The following SPINK5 variants were observed in gnomAD, a reference collection of about 807,000 sequenced individuals.
The protein encoded by SPINK5 is serine peptidase inhibitor Kazal type 5.
SPINK5 carries 125 observed loss-of-function variants against 151.8 expected under a neutral mutation model. That is an observed-to-expected ratio of 0.82 (90% CI 0.71 to 0.96). The LOEUF is 0.96. Among genes scored for constraint, SPINK5 ranks in the 40% least tolerant of loss-of-function variants. The pLI is 0.00. For synonymous variants in SPINK5, 374 were observed against 395.3 expected, an observed-to-expected ratio of 0.95 and a Z score of 0.64; for missense variants, 1,194 against 1,291.9, an observed-to-expected ratio of 0.92 and a Z score of 1.16.
Position 148,105,938 on chromosome 5 carries a change from C to T in SPINK5, c.1479+938C>T, listed in dbSNP as rs10044832. On this transcript the variant is annotated intron_variant, in intron 16 of 32. Transcript: ENST00000256084. ...TGCACCCGGCCTGTTTATTCTATTT[C>T]TTAACAATAGCCACAACAGTACAAA... Among the ~76,000 whole-genome samples the T allele has an allele frequency of 1.0e-2, 1,516 of 151,882 alleles. 30 individuals carry two copies. Among genetic ancestry groups the T allele is most frequent in the African/African-American group, 0.035 (1,442 of 41,386 alleles).
At chr5:148,092,567 G>T (rs1753339718) in intron 8 of SPINK5, among the ~76,000 whole-genome samples, 1 of 151,760 alleles carries the variant, frequency 6.6e-6, no homozygotes, top group Non-Finnish European at 1.5e-5. Flanking sequence ...GTGTGAATAG[G>T]ACTGCTTTAT....
At chr5:148,066,425 A>G (rs1001221467) in intron 2 of SPINK5, among the ~76,000 whole-genome samples, 5 of 152,184 alleles carry the variant, frequency 3.3e-5, no homozygotes, top group African/African-American at 1.2e-4. Context: ...TCTGGCCACG[A>G]ACATTAAAGG....
At chr5:148,114,794 C>G (rs1382986163) in intron 21 of SPINK5, among the ~76,000 whole-genome samples, 1 of 152,166 alleles carries the variant, frequency 6.6e-6, no homozygotes, top group Non-Finnish European at 1.5e-5. Flanking sequence ...TCTGGATTAT[C>G]TCGCAACTCA....
At position 148,125,808 on chromosome 5, in the gene SPINK5, G is replaced by A. The variant is rs368229591; in HGVS notation, c.2825G>A (p.Gly942Glu). Residue 942 changes from glycine to glutamate, a missense_variant, in exon 29 of 33, where the codon GGA (glycine) becomes GAA (glutamate). By Grantham distance (98) the Gly-to-Glu change is moderately conservative. Coordinates refer to ENST00000256084, the MANE Select transcript of SPINK5 (RefSeq NM_006846.4). The part of the protein sequence containing the change: ...RENDPVHGAD[G>E]KFYTNKCYMC... ...AATGACCCAGTGCACGGTGCTGATG[G>A]AAAGTTCTATACAAACAAGTGCTAC... 12 of 1,614,054 alleles carry A rather than the reference G, an allele frequency of 7.4e-6. No homozygotes were observed. The African/African-American group carries it at 9.3e-5, about 13-fold the overall frequency.
At chr5:148,088,744 T>G in intron 6 of SPINK5, 139 bp downstream of exon 6, 2 of 807,360 alleles carry the variant, frequency 2.5e-6, no homozygotes, top group Non-Finnish European at 4.1e-6. Context: ...TACCCAGTAC[T>G]GCCCACTAAT....
At chr5:148,071,058 T>TG (rs1475170712) in intron 3 of SPINK5, among the ~76,000 whole-genome samples, 5 of 152,104 alleles carry the variant, frequency 3.3e-5, no homozygotes, top group African/African-American at 4.8e-5. Flanking sequence ...CTTCTTAACT[T>TG]GGTTTCCTTC....
chr5:148,072,496 C>G (rs570857223), intron 4 of SPINK5, among the ~76,000 whole-genome samples: 77 of 152,104 alleles, frequency 5.1e-4, no homozygotes, highest in African/African-American at 1.7e-3. Context: ...GCCATCATTT[C>G]TCATTCCTCT....
chr5:148,092,811 T>A (rs1483072656), intron 8 of SPINK5, among the ~76,000 whole-genome samples: 1 of 151,972 alleles, frequency 6.6e-6, no homozygotes, highest in Non-Finnish European at 1.5e-5. Context: ...CATCCATTGC[T>A]CCTCCAAAAA....
intron 4 of SPINK5, among the ~76,000 whole-genome samples, chr5:148,072,866 TA>T (rs10628434): frequency 0.62 from 88,446 of 143,714 alleles, 26,651 homozygotes; most frequent in South Asian, 0.78. Flanking sequence ...TGTTCTCTGG[TA>T]AAAAAAAAAA....
intron 15 of SPINK5, 139 bp downstream of exon 15, chr5:148,102,047 AAAAC>A: frequency 4.0e-6 from 5 of 1,247,182 alleles, no homozygotes; most frequent in Non-Finnish European, 5.7e-6. Context: ...AAATGGACTA[AAAAC>A]AAACAACAGC....
At position 148,107,065 on chromosome 5, in the gene SPINK5, T is replaced by C; in HGVS notation, c.1508T>C (p.Val503Ala). The C allele has an allele frequency of 6.2e-7, 1 of 1,613,072 alleles. No individual in the cohort carries two copies. Among genetic ancestry groups the C allele is most frequent in the Non-Finnish European group, 8.5e-7 (1 of 1,179,372 alleles). ...ATCTGCAGTGAATTTCGGGACCAAGTGAGGAATGGAACACTTATATGCACC... is the reference window on the plus strand; with the variant it reads ...ATCTGCAGTGAATTTCGGGACCAAGCGAGGAATGGAACACTTATATGCACC... ...KEICSEFRDQ[V>A]RNGTLICTRE... Residue 503 changes from valine (V) to alanine (A), a missense_variant, in exon 17 of 33, where the codon GTG becomes GCG. By Grantham distance (64) the Val-to-Ala change is moderately conservative (BLOSUM62 0). Transcript: ENST00000256084.
At chr5:148,067,402 C>A (rs958086204) in intron 2 of SPINK5, among the ~76,000 whole-genome samples, 1 of 152,094 alleles carries the variant, frequency 6.6e-6, no homozygotes, top group Non-Finnish European at 1.5e-5. Flanking sequence ...AGTTACCCTG[C>A]AAGTAAACAG....
Position 148,095,949 on chromosome 5 carries a change from TG to T in SPINK5, c.882+51del, listed in dbSNP as rs34533106. 1.7e-4 allele frequency: 237 copies of T among 1,433,988 alleles called. 1 individual carries two copies. The highest frequency in any genetic ancestry group is 4.7e-4 in the Admixed American group (25 of 52,668). The allele number at this position is 1,433,988 out of a possible 1,614,324, so 88.8% of individuals were successfully genotyped here. ...AATCTAGTTACAACTTGTGTGTGTG[TG>T]GGGGGGTGCGTGTGTGAGAGAGTGC... On this transcript the variant is annotated intron_variant, in intron 10 of 32. Transcript: ENST00000256084.
At chr5:148,113,987 G>A (rs1754014866) in intron 20 of SPINK5, among the ~76,000 whole-genome samples, 1 of 152,106 alleles carries the variant, frequency 6.6e-6, no homozygotes, top group Admixed American at 6.5e-5. Context: ...AAAGAATTCA[G>A]AATAAAATAC....
intron 15 of SPINK5, among the ~76,000 whole-genome samples, chr5:148,103,176 C>T (rs1470460572): frequency 1.3e-5 from 2 of 152,088 alleles, no homozygotes; most frequent in Non-Finnish European, 2.9e-5. Flanking sequence ...TCACAACAAA[C>T]GTTTGTTGAA....
chr5:148,081,363 A>T (rs964031075), intron 4 of SPINK5, among the ~76,000 whole-genome samples: 3 of 151,734 alleles, frequency 2.0e-5, no homozygotes, highest in African/African-American at 7.2e-5. Flanking sequence ...AAACAATCCA[A>T]ATGTCCAAAT....
At chr5:148,089,134 T>C (rs1468411520) in intron 6 of SPINK5, 1 of 466,376 alleles carries the variant, frequency 2.1e-6, no homozygotes, top group East Asian at 6.7e-5. Flanking sequence ...ATGCCCTTTT[T>C]ATAAGCTTCC....
At chr5:148,096,972 G>A (rs13160662) in intron 10 of SPINK5, among the ~76,000 whole-genome samples, 70,220 of 151,260 alleles carry the variant, frequency 0.46, 17,043 homozygotes, top group Admixed American at 0.59. Flanking sequence ...AGGTTACCAA[G>A]TCCTTTTAAT....
At chr5:148,124,038 T>C in intron 27 of SPINK5, 78 bp downstream of exon 27, 1 of 1,530,976 alleles carries the variant, frequency 6.5e-7, no homozygotes, top group Non-Finnish European at 8.9e-7. Flanking sequence ...TTTTAAAACC[T>C]AAGATACTTG....
Sources: allele counts gnomAD v4.1 joint callset (sites outside exome capture counted in the v4.1 genomes callset), GRCh38; gene constraint gnomAD v4.1.1; transcripts MANE v1.5; gene names NCBI Gene and HGNC (gene_info 2026-07-23, HGNC 2026-07-21).